Variants in CES5A observed in about 807,000 individuals in gnomAD.
The protein encoded by CES5A is carboxylesterase 5.
CES5A carries 67 observed loss-of-function variants against 62.9 expected under a neutral mutation model. The ratio of observed to expected loss-of-function variants is 1.07; its 90% confidence interval spans 0.88 to 1.31. The LOEUF (loss-of-function observed/expected upper bound fraction) is 1.31, where lower values mean the gene tolerates loss of function less well. Among genes scored for constraint, CES5A ranks in the 50% most tolerant of loss-of-function variants. CES5A has a pLI of 0.00. For synonymous variants in CES5A, 296 were observed against 280.8 expected, an observed-to-expected ratio of 1.05 and a Z score of -0.54; for missense variants, 748 against 708.5, an observed-to-expected ratio of 1.06 and a Z score of -0.63.
At chr16:55,872,899 A>G (rs2033621362) in intron 2 of CES5A, among the ~76,000 whole-genome samples, 1 of 151,884 alleles carries the variant, frequency 6.6e-6, no homozygotes, top group African/African-American at 2.4e-5. Context: ...CTGTGACTCA[A>G]CCCCTGCGGC....
At chr16:55,875,810 T>G (rs186682760), upstream of CES5A, among the ~76,000 whole-genome samples, 360 of 152,288 alleles carry the variant, frequency 2.4e-3, 2 homozygotes, top group Non-Finnish European at 4.2e-3. Flanking sequence ...TGGCCCTTCA[T>G]AGTTGCCACC....
chr16:55,920,154 G>A (rs531262469), intron 1 of CES5A, among the ~76,000 whole-genome samples: 3 of 152,212 alleles, frequency 2.0e-5, no homozygotes, highest in Admixed American at 6.5e-5. Context: ...AAAAAACTCC[G>A]AGAAGGCAGT....
intron 1 of CES5A, among the ~76,000 whole-genome samples, chr16:55,885,801 C>A (rs1210181655): frequency 6.6e-6 from 1 of 152,210 alleles, no homozygotes; most frequent in Admixed American, 6.5e-5. Flanking sequence ...AAAGTTCATT[C>A]TCATGGCCAC....
chr16:55,875,781 G>A (rs550780749), upstream of CES5A, among the ~76,000 whole-genome samples: 46 of 152,122 alleles, frequency 3.0e-4, no homozygotes, highest in Non-Finnish European at 5.9e-4. Flanking sequence ...AGGCTTCTTC[G>A]ATTATATTAT....
chr16:55,951,449 T>G (rs572317550), intron 1 of CES5A, among the ~76,000 whole-genome samples: 44 of 152,294 alleles, frequency 2.9e-4, no homozygotes, highest in African/African-American at 8.2e-4. Context: ...AAAAATAGGT[T>G]GAATAATTTC....
intron 2 of CES5A, among the ~76,000 whole-genome samples, chr16:55,943,286 A>T (rs1158985605): frequency 1.3e-5 from 2 of 152,238 alleles, no homozygotes; most frequent in African/African-American, 4.8e-5. Flanking sequence ...GGCAGTAGGA[A>T]GATCAGGATT....
At chr16:55,854,544 C>CTTTTTCTTTTTTTTTTTTTTTTT (rs1555479346) in intron 9 of CES5A, among the ~76,000 whole-genome samples, 1 of 64,416 alleles carries the variant, frequency 1.6e-5, no homozygotes, top group African/African-American at 7.0e-5. Context: ...TTTTTTTTTT[C>CTTTTTCTTTTTTTTTTTTTTTTT]TTTTTTTTTT....
In CES5A at chr16:55,858,191, C is replaced by T. The variant is rs547240927; in HGVS notation, c.1056+1356G>A. Among the ~76,000 whole-genome samples the T allele has an allele frequency of 3.1e-3, 479 of 152,218 alleles. 2 individuals carry two copies. The highest frequency in any genetic ancestry group is 5.5e-3 in the Non-Finnish European group (375 of 68,018). ...CCAGCCTCAGCAACAGAGAGAGACT[C>T]TGACTCAAAAATTAAATTAGATTAA... is the stretch of plus-strand genomic sequence containing the variant. On this transcript the variant is annotated intron_variant, in intron 8 of 12. Transcript: ENST00000290567.
chr16:55,942,715 T>C (rs147291401), intron 2 of CES5A, among the ~76,000 whole-genome samples: 10 of 152,206 alleles, frequency 6.6e-5, no homozygotes, highest in Admixed American at 1.3e-4. Flanking sequence ...GCACTTAAAA[T>C]GTGGAAGAGG....
chr16:55,853,423 A>G (rs1303841374), intron 9 of CES5A, among the ~76,000 whole-genome samples: 1 of 152,234 alleles, frequency 6.6e-6, no homozygotes, highest in African/African-American at 2.4e-5. Context: ...TCAAGATGGT[A>G]ACAGCGGAGC....
chr16:55,894,336 A>G (rs1374026349), intron 1 of CES5A, among the ~76,000 whole-genome samples: 1 of 151,632 alleles, frequency 6.6e-6, no homozygotes, highest in African/African-American at 2.4e-5. Flanking sequence ...GTGAAACCCC[A>G]TCTCTACTAA....
upstream of CES5A, among the ~76,000 whole-genome samples, chr16:55,928,026 G>A (rs548432993): frequency 5.3e-5 from 8 of 152,224 alleles, no homozygotes; most frequent in Admixed American, 2.0e-4. Flanking sequence ...GATGGATGAC[G>A]AGGTCAGGAG....
In CES5A at chr16:55,875,283, T is replaced by C. The variant is rs111283413; in HGVS notation, c.-62A>G. 1.0e-3 allele frequency: 1,620 copies of C among 1,584,992 alleles called. 1 individual carries two copies. The highest frequency in any genetic ancestry group is 1.2e-3 in the Non-Finnish European group (1,391 of 1,167,288). On this transcript the variant is annotated 5_prime_UTR_variant, in exon 1 of 13. Coordinates refer to ENST00000290567, the MANE Select transcript of CES5A (RefSeq NM_001143685.2). The stretch of plus-strand genomic sequence containing the variant: ...GGCTGCTGGCCTCAGAGAGCTTCAG[T>C]TGGGAGCCAGAAAGAGCTTCCTGTT...
intron 1 of CES5A, among the ~76,000 whole-genome samples, chr16:55,912,473 CAT>C (rs1221751588): frequency 6.6e-6 from 1 of 151,454 alleles, no homozygotes; most frequent in Non-Finnish European, 1.5e-5. Flanking sequence ...AGAAAGTTGT[CAT>C]GGAGGAGAAG....
At chr16:55,866,593 C>T (rs11863223) in intron 4 of CES5A, among the ~76,000 whole-genome samples, 1,767 of 145,700 alleles carry the variant, frequency 0.012, 37 homozygotes, top group African/African-American at 0.043. Context: ...GAGGCCGAGG[C>T]GGGCAGATCA....
chr16:55,849,358 A>T (rs532084762), intron 11 of CES5A, among the ~76,000 whole-genome samples: 381 of 151,506 alleles, frequency 2.5e-3, no homozygotes, highest in South Asian at 0.023. Flanking sequence ...ATTAAAAAAA[A>T]AAATATTTAG....
intron 1 of CES5A, among the ~76,000 whole-genome samples, chr16:55,880,832 T>C (rs1484075393): frequency 6.6e-6 from 1 of 152,150 alleles, no homozygotes; most frequent in Non-Finnish European, 1.5e-5. Flanking sequence ...CAATACAGAG[T>C]ACACTGTGAA....
chr16:55,951,683 C>A (rs1036065338), intron 1 of CES5A, among the ~76,000 whole-genome samples: 4 of 151,948 alleles, frequency 2.6e-5, no homozygotes, highest in Admixed American at 6.6e-5. Context: ...AGGCAAAGAA[C>A]AATGAAAGAA....
At chr16:55,904,102 GAT>G (rs1427052822) in intron 1 of CES5A, among the ~76,000 whole-genome samples, 1 of 152,186 alleles carries the variant, frequency 6.6e-6, no homozygotes, top group African/African-American at 2.4e-5. Context: ...ACTACACTTG[GAT>G]GCTCCAGAGA....
Sources: allele counts gnomAD v4.1 joint callset (sites outside exome capture counted in the v4.1 genomes callset), GRCh38; gene constraint gnomAD v4.1.1; transcripts MANE v1.5; gene names NCBI Gene and HGNC (gene_info 2026-07-23, HGNC 2026-07-21).